CPPED1: variants seen among roughly 807,000 people sequenced by gnomAD.
The protein encoded by CPPED1 is serine/threonine-protein phosphatase CPPED1.
A neutral mutation model predicts 28.0 loss-of-function variants in CPPED1; 28 were observed. The observed-to-expected ratio is 1.00, with a 90% CI of 0.74 to 1.37. The LOEUF (loss-of-function observed/expected upper bound fraction) is 1.37, where lower values mean the gene tolerates loss of function less well. Among genes scored for constraint, CPPED1 ranks in the 40% most tolerant of loss-of-function variants. The probability of loss-of-function intolerance (pLI) is 0.00; values close to 1 mark genes in which losing one functional copy is unlikely to be tolerated. For synonymous variants in CPPED1, 198 were observed against 180.2 expected (o/e 1.10, Z -0.79); for missense variants, 504 against 416.5 (o/e 1.21, Z -1.83).
At chr16:12,760,454 C>T (rs1421777613) in intron 2 of CPPED1, 4 of 152,164 alleles carry the variant, frequency 2.6e-5, no homozygotes, top group African/African-American at 7.2e-5. Flanking sequence ...ACATGGTGAT[C>T]TCTACTGGAA....
chr16:12,780,685 C>A (rs2080524998), intron 2 of CPPED1, among the ~76,000 whole-genome samples: 1 of 151,276 alleles, frequency 6.6e-6, no homozygotes, highest in East Asian at 2.0e-4. Context: ...TACCTGCAAC[C>A]CAGGTCTGCT....
At chr16:12,677,867 T>C (rs1328132728) in intron 3 of CPPED1, among the ~76,000 whole-genome samples, 1 of 152,220 alleles carries the variant, frequency 6.6e-6, no homozygotes, top group African/African-American at 2.4e-5. Flanking sequence ...CAGAAAGGTC[T>C]GGACAGTAAA....
At chr16:12,685,181 C>T (rs9926439) in intron 3 of CPPED1, among the ~76,000 whole-genome samples, 15,836 of 152,208 alleles carry the variant, frequency 0.1, 905 homozygotes, top group Middle Eastern at 0.16. Context: ...CCAGGTGCGG[C>T]GGCTCACGCC....
intron 2 of CPPED1, among the ~76,000 whole-genome samples, chr16:12,707,201 A>C (rs2080056060): frequency 6.6e-6 from 1 of 152,130 alleles, no homozygotes; most frequent in Non-Finnish European, 1.5e-5. Context: ...ATTCATTACC[A>C]CTTTCCTCAC....
chr16:12,683,068 T>C (rs1228586021), intron 3 of CPPED1, among the ~76,000 whole-genome samples: 1 of 152,204 alleles, frequency 6.6e-6, no homozygotes, highest in African/African-American at 2.4e-5. Flanking sequence ...TTTTGCAGAA[T>C]TTGTTCAAGA....
chr16:12,761,655 A>T (rs531278174), intron 2 of CPPED1, among the ~76,000 whole-genome samples: 2 of 152,310 alleles, frequency 1.3e-5, no homozygotes, highest in African/African-American at 4.8e-5. Context: ...ATGGAACTAC[A>T]CTAGTAAAAT....
At chr16:12,789,382 G>A (rs2080583074) in intron 1 of CPPED1, among the ~76,000 whole-genome samples, 1 of 152,114 alleles carries the variant, frequency 6.6e-6, no homozygotes, top group Non-Finnish European at 1.5e-5. Flanking sequence ...GGCAAACCAG[G>A]CCCCCACCTT....
chr16:12,678,193 C>A (rs2079887417), intron 3 of CPPED1, among the ~76,000 whole-genome samples: 1 of 152,076 alleles, frequency 6.6e-6, no homozygotes, highest in Non-Finnish European at 1.5e-5. Context: ...TTTATAAAAC[C>A]ATGAATGCCA....
At chr16:12,720,636 C>T (rs1340245448) in intron 2 of CPPED1, among the ~76,000 whole-genome samples, 1 of 152,132 alleles carries the variant, frequency 6.6e-6, no homozygotes, top group Non-Finnish European at 1.5e-5. Flanking sequence ...TACAGGTGTG[C>T]ACCACCACAC....
At chr16:12,788,993 G>C (rs753422872) in intron 1 of CPPED1, among the ~76,000 whole-genome samples, 10 of 152,218 alleles carry the variant, frequency 6.6e-5, no homozygotes, top group Non-Finnish European at 1.2e-4. Context: ...GACGTCTGTG[G>C]ATGAGGTCTG....
rs202086201 is a variant in CPPED1, at chr16:12,705,045, C to T, written c.294G>A (p.Lys98=). The T allele has an allele frequency of 6.2e-7, 1 of 1,605,838 alleles. No individual in the cohort carries two copies. The highest frequency in any genetic ancestry group is 8.5e-7 in the Non-Finnish European group (1 of 1,174,168). ...CGDLIHAMPG[K]PWRTEQTEDL... ...CCTCCGTCTGCTCCGTCCGCCACGG[C>T]TTCCCTGGAAGAGTGAGGGTCACGT... Residue 98 remains lysine (K), a synonymous_variant, in exon 3 of 4, where the codon AAG becomes AAA. Coordinates refer to ENST00000381774, the MANE Select transcript of CPPED1 (RefSeq NM_018340.3).
intron 2 of CPPED1, chr16:12,760,847 G>C (rs1360878364): frequency 6.6e-6 from 1 of 152,204 alleles, no homozygotes; most frequent in African/African-American, 2.4e-5. Flanking sequence ...ATGTGGCCCA[G>C]GGCTGGCAGG....
At chr16:12,699,942 G>A (rs550479315) in intron 3 of CPPED1, among the ~76,000 whole-genome samples, 1 of 152,114 alleles carries the variant, frequency 6.6e-6, no homozygotes, top group East Asian at 1.9e-4. Context: ...GTTGTGACCT[G>A]AGCCGCTTTC....
chr16:12,679,732 T>G (rs2079895572), intron 3 of CPPED1, among the ~76,000 whole-genome samples: 2 of 152,278 alleles, frequency 1.3e-5, no homozygotes, highest in East Asian at 3.9e-4. Context: ...GGCTCAGAAA[T>G]GGTACCCCAA....
At chr16:12,683,412 C>T (rs776151555) in intron 3 of CPPED1, among the ~76,000 whole-genome samples, 2 of 152,130 alleles carry the variant, frequency 1.3e-5, no homozygotes, top group Non-Finnish European at 2.9e-5. Context: ...TTCCCTCTCA[C>T]TGATGACCAC....
intron 2 of CPPED1, among the ~76,000 whole-genome samples, chr16:12,763,873 G>C (rs186932384): frequency 1.3e-5 from 2 of 152,180 alleles, no homozygotes; most frequent in East Asian, 3.9e-4. Flanking sequence ...TTCTGCCATT[G>C]AAAGTAATGG....
intron 3 of CPPED1, among the ~76,000 whole-genome samples, chr16:12,704,053 C>T (rs745664934): frequency 6.6e-6 from 1 of 152,126 alleles, no homozygotes; most frequent in Non-Finnish European, 1.5e-5. Context: ...CTGATCAGGC[C>T]CCAGGAACTG....
chr16:12,737,659 C>T (rs12596748), intron 2 of CPPED1, among the ~76,000 whole-genome samples: 78,105 of 152,050 alleles, frequency 0.51, 20,789 homozygotes, highest in Admixed American at 0.62. Context: ...CTTACTCTTG[C>T]CCCCCTGAAG....
chr16:12,745,491 TA>T (rs2080281156), intron 2 of CPPED1, among the ~76,000 whole-genome samples: 1 of 152,028 alleles, frequency 6.6e-6, no homozygotes, highest in African/African-American at 2.4e-5. Flanking sequence ...TACACAGCTA[TA>T]AAAAAAGGAA....
Sources: gnomAD v4.1 joint callset for allele counts (sites outside exome capture counted in the v4.1 genomes callset) on GRCh38, gnomAD v4.1.1 for gene constraint, MANE v1.5 for transcripts, NCBI Gene and HGNC (gene_info 2026-07-23, HGNC 2026-07-21) for gene names.